The following NRG3 variants were observed in gnomAD, a reference collection of about 807,000 sequenced individuals.
NRG3 encodes the protein neuregulin 3.
A neutral mutation model predicts 66.9 loss-of-function variants in NRG3; 31 were observed. The observed-to-expected ratio is 0.46, with a 90% CI of 0.35 to 0.63. The LOEUF (loss-of-function observed/expected upper bound fraction) is 0.63. NRG3 is among the 20% of genes least tolerant of loss of function. NRG3 has a pLI of 0.00. For synonymous variants in NRG3, 393 were observed against 359.4 expected, an observed-to-expected ratio of 1.09 and a Z score of -1.06; for missense variants, 910 against 878.9, an observed-to-expected ratio of 1.04 and a Z score of -0.45.
intron 1 of NRG3, among the ~76,000 whole-genome samples, chr10:81,896,665 T>G (rs1323261648): frequency 1.3e-5 from 2 of 152,042 alleles, no homozygotes; most frequent in Admixed American, 6.6e-5. Flanking sequence ...TAGGGCTTTT[T>G]TTTTTTTTGG....
intron 2 of NRG3, among the ~76,000 whole-genome samples, chr10:82,647,473 A>G (rs890045032): frequency 6.6e-6 from 1 of 152,172 alleles, no homozygotes; most frequent in Non-Finnish European, 1.5e-5. Flanking sequence ...ATACGTGTGC[A>G]TGTGTCTTTA....
At chr10:82,910,304 CAT>C in intron 4 of NRG3, among the ~76,000 whole-genome samples, 1 of 152,324 alleles carries the variant, frequency 6.6e-6, no homozygotes, top group African/African-American at 2.4e-5. Flanking sequence ...GCTGATGTAA[CAT>C]AACGATTTTG....
chr10:82,388,404 A>G (rs921020135), intron 2 of NRG3, among the ~76,000 whole-genome samples: 2 of 152,178 alleles, frequency 1.3e-5, no homozygotes, highest in Non-Finnish European at 2.9e-5. Context: ...CTGAGAAACT[A>G]GAAGTATTGG....
At chr10:82,754,067 C>A (rs991234817) in intron 3 of NRG3, among the ~76,000 whole-genome samples, 1 of 151,608 alleles carries the variant, frequency 6.6e-6, no homozygotes, top group Non-Finnish European at 1.5e-5. Flanking sequence ...ATCCAGACTT[C>A]TTTTTTCCTA....
At chr10:82,824,496 C>T (rs753264806) in intron 3 of NRG3, among the ~76,000 whole-genome samples, 7 of 152,084 alleles carry the variant, frequency 4.6e-5, no homozygotes, top group Non-Finnish European at 8.8e-5. Flanking sequence ...GCAATGTATG[C>T]GGGGCTTCGA....
rs553822606 is a variant in NRG3 at position 82,070,251 on chromosome 10, A to T, written c.823+194088A>T. On this transcript the variant is annotated intron_variant, in intron 1 of 8. Coordinates refer to ENST00000372141, the MANE Select transcript of NRG3 (RefSeq NM_001010848.4). Reference sequence around the variant, plus strand: ...CTCTGAAGTTACTTTTTCCACATTGAGGGGGCCTTTCATGAGTACCAGGGA... The same window carrying T: ...CTCTGAAGTTACTTTTTCCACATTGTGGGGGCCTTTCATGAGTACCAGGGA... Among the ~76,000 whole-genome samples, 5 of 152,188 alleles carry T rather than the reference A, an allele frequency of 3.3e-5. No individual in the cohort carries two copies. In the South Asian group the frequency reaches 8.3e-4, roughly 25 times the overall value.
chr10:82,848,929 T>C (rs576716427), intron 3 of NRG3, among the ~76,000 whole-genome samples: 1 of 152,312 alleles, frequency 6.6e-6, no homozygotes, highest in Non-Finnish European at 1.5e-5. Flanking sequence ...TTCCCAGCCA[T>C]GTGGAACTGT....
intron 1 of NRG3, among the ~76,000 whole-genome samples, chr10:82,013,520 T>A (rs1465370953): frequency 6.6e-6 from 1 of 152,168 alleles, no homozygotes; most frequent in African/African-American, 2.4e-5. Flanking sequence ...TTTTCATTGT[T>A]CATTTACATA....
intron 5 of NRG3, 144 bp from the exon 6 acceptor site, chr10:82,958,805 A>T: frequency 1.1e-6 from 1 of 919,404 alleles, no homozygotes; most frequent in Non-Finnish European, 1.6e-6. Context: ...TGGGGTTGGA[A>T]ATGAGAGAAG....
chr10:82,304,508 T>C lies in NRG3; in HGVS notation c.824-54231T>C, dbSNP rs1302468451. The stretch of plus-strand genomic sequence containing the variant: ...TGAAATATTTTTGTAGTTGAATTTA[T>C]TTCTTCTTTATTTTTCCTTTCTCTC... On this transcript the variant is annotated intron_variant, in intron 1 of 8. Transcript: ENST00000372141. Among the ~76,000 whole-genome samples, 3 of 152,336 alleles carry C rather than the reference T, an allele frequency of 2.0e-5. No individual in the cohort carries two copies. In the East Asian group the frequency reaches 5.8e-4, roughly 29 times the overall value.
At chr10:82,068,090 G>A (rs2064591512) in intron 1 of NRG3, among the ~76,000 whole-genome samples, 1 of 152,210 alleles carries the variant, frequency 6.6e-6, no homozygotes, top group Non-Finnish European at 1.5e-5. Context: ...GTGTGTGAGT[G>A]TAGAACAATA....
At chr10:82,582,383 G>A (rs1028995145) in intron 2 of NRG3, among the ~76,000 whole-genome samples, 1 of 152,112 alleles carries the variant, frequency 6.6e-6, no homozygotes, top group African/African-American at 2.4e-5. Context: ...AGGGGGATGA[G>A]TGAGCACAGG....
At chr10:82,233,721 A>C (rs768680530) in intron 1 of NRG3, among the ~76,000 whole-genome samples, 1 of 152,050 alleles carries the variant, frequency 6.6e-6, no homozygotes, top group Non-Finnish European at 1.5e-5. Context: ...TTCAAGATAA[A>C]TGGCACCATC....
At chr10:82,390,903 G>C (rs562374581) in intron 2 of NRG3, among the ~76,000 whole-genome samples, 3 of 152,280 alleles carry the variant, frequency 2.0e-5, no homozygotes, top group South Asian at 4.1e-4. Context: ...ATGTGGCCTG[G>C]GCTGTGGAAT....
intron 2 of NRG3, among the ~76,000 whole-genome samples, chr10:82,590,692 C>A (rs1288084717): frequency 6.6e-6 from 1 of 152,162 alleles, no homozygotes; most frequent in Non-Finnish European, 1.5e-5. Context: ...AGAGTACCAG[C>A]TGGCATGATA....
At chr10:82,902,358 G>T (rs1024713931) in intron 4 of NRG3, among the ~76,000 whole-genome samples, 6 of 152,000 alleles carry the variant, frequency 3.9e-5, no homozygotes, top group African/African-American at 1.4e-4. Context: ...ACAACAATTT[G>T]CTTAGTTATA....
chr10:81,935,610 C>T (rs1847781393), intron 1 of NRG3, among the ~76,000 whole-genome samples: 2 of 152,058 alleles, frequency 1.3e-5, no homozygotes, highest in Admixed American at 6.6e-5. Flanking sequence ...TGGATAACAT[C>T]ACCCCCTCCC....
intron 3 of NRG3, among the ~76,000 whole-genome samples, chr10:82,798,538 G>T (rs1466579349): frequency 1.3e-5 from 2 of 152,100 alleles, no homozygotes; most frequent in Non-Finnish European, 2.9e-5. Flanking sequence ...GAATCAAAAG[G>T]ACTATCTTGT....
intron 1 of NRG3, among the ~76,000 whole-genome samples, chr10:82,064,150 T>C (rs1383195837): frequency 6.6e-6 from 1 of 152,132 alleles, no homozygotes; most frequent in East Asian, 1.9e-4. Flanking sequence ...AATTAAGGAA[T>C]GGATTTAAGG....
Sources: gnomAD v4.1 joint callset for allele counts (sites outside exome capture counted in the v4.1 genomes callset) on GRCh38, gnomAD v4.1.1 for gene constraint, MANE v1.5 for transcripts, NCBI Gene and HGNC (gene_info 2026-07-23, HGNC 2026-07-21) for gene names.